Variants in ACCSL observed in about 807,000 individuals in gnomAD.
ACCSL encodes the protein 1-aminocyclopropane-1-carboxylate synthase homolog (inactive) like, also known as probable inactive 1-aminocyclopropane-1-carboxylate synthase-like protein 2.
ACCSL carries 55 observed loss-of-function variants against 61.7 expected under a neutral mutation model. The ratio of observed to expected loss-of-function variants is 0.89; its 90% CI spans 0.72 to 1.12. The LOEUF (loss-of-function observed/expected upper bound fraction) is 1.12. Among genes scored for constraint, ACCSL ranks in the 50% most tolerant of loss-of-function variants. ACCSL has a pLI of 0.00. For missense variants in ACCSL, 632 were observed against 698.0 expected, an observed-to-expected ratio of 0.91 and a Z score of 1.07; for synonymous variants, 258 against 264.3, an observed-to-expected ratio of 0.98 and a Z score of 0.23.
the ACCSL span, among the ~76,000 whole-genome samples, chr11:44,014,979 G>A: frequency 3.1e-4 from 47 of 152,274 alleles, no homozygotes; most frequent in African/African-American, 9.6e-4. Context: ...CCCTCCTCCC[G>A]GGGATGTGAT....
chr11:44,053,729 G>A (rs1017607121), intron 8 of ACCSL, among the ~76,000 whole-genome samples: 1 of 152,134 alleles, frequency 6.6e-6, no homozygotes, highest in African/African-American at 2.4e-5. Flanking sequence ...AGGCATCATG[G>A]TGGGCACCTA....
At chr11:43,942,509 C>T in the ACCSL span, 1 of 228,802 alleles carries the variant, frequency 4.4e-6, no homozygotes, top group Non-Finnish European at 8.9e-6. Flanking sequence ...TTTCCCAGAG[C>T]GGCGGGGCGA....
At chr11:44,027,992 C>A in the ACCSL span, among the ~76,000 whole-genome samples, 1 of 152,132 alleles carries the variant, frequency 6.6e-6, no homozygotes. Flanking sequence ...GAGTGAAACT[C>A]TATCTCTACA....
the ACCSL span, among the ~76,000 whole-genome samples, chr11:44,036,057 GTC>G: frequency 6.6e-6 from 1 of 152,082 alleles, no homozygotes; most frequent in Non-Finnish European, 1.5e-5. Flanking sequence ...TTGAAAAACA[GTC>G]CCTGCAATGT....
the ACCSL span, among the ~76,000 whole-genome samples, chr11:43,978,082 T>G: frequency 4.1e-5 from 6 of 146,820 alleles, no homozygotes; most frequent in Admixed American, 2.1e-4. Flanking sequence ...CGATCTTGGC[T>G]CACTGCAACC....
the ACCSL span, chr11:43,945,140 C>G: frequency 6.6e-6 from 1 of 152,284 alleles, no homozygotes; most frequent in Non-Finnish European, 1.5e-5. Flanking sequence ...GTATTTGGCC[C>G]GTGTCCCAGT....
chr11:43,985,986 C>CT, the ACCSL span, among the ~76,000 whole-genome samples: 1 of 151,336 alleles, frequency 6.6e-6, no homozygotes, highest in African/African-American at 2.4e-5. Flanking sequence ...AATAAACAAA[C>CT]AAACAAATAA....
At chr11:43,943,501 A>G in the ACCSL span, 2 of 1,370,582 alleles carry the variant, frequency 1.5e-6, no homozygotes, top group South Asian at 1.2e-5. The surrounding 1 kb of genome is among the most constrained non-coding windows in gnomAD (Gnocchi z 4.8). Flanking sequence ...TCGTCCTTGT[A>G]AATGTTTATT....
the ACCSL span, among the ~76,000 whole-genome samples, chr11:43,954,357 CAG>C: frequency 6.6e-6 from 1 of 152,202 alleles, no homozygotes; most frequent in African/African-American, 2.4e-5. Flanking sequence ...CTTTCTCCTG[CAG>C]AGAGAGGGGT....
chr11:43,993,500 G>A, the ACCSL span, among the ~76,000 whole-genome samples: 2,737 of 152,244 alleles, frequency 0.018, 80 homozygotes, highest in African/African-American at 0.063. Flanking sequence ...CAAGGCCCCG[G>A]CACCATCTAG....
the ACCSL span, among the ~76,000 whole-genome samples, chr11:43,990,043 C>T: frequency 5.9e-5 from 9 of 152,220 alleles, no homozygotes; most frequent in Admixed American, 5.9e-4. Flanking sequence ...TCCCTTACTC[C>T]TCCCTTCCCA....
upstream of ACCSL, among the ~76,000 whole-genome samples, chr11:44,047,136 G>T (rs923482908): frequency 1.3e-5 from 2 of 152,292 alleles, no homozygotes; most frequent in South Asian, 2.1e-4. Context: ...CAGGGGTGAG[G>T]TCTCACCATC....
At chr11:44,007,221 T>C in the ACCSL span, among the ~76,000 whole-genome samples, 3 of 152,212 alleles carry the variant, frequency 2.0e-5, no homozygotes, top group Non-Finnish European at 2.9e-5. Context: ...GCCCCGGGAA[T>C]GTCACAGGCT....
the ACCSL span, among the ~76,000 whole-genome samples, chr11:43,937,670 C>T: frequency 6.6e-6 from 1 of 152,140 alleles, no homozygotes. Context: ...CCACCCCGCC[C>T]CCTCCAAAAC....
chr11:44,059,824 T>C lies in ACCSL; in HGVS notation c.1625-14T>C. The C allele has an allele frequency of 1.2e-6, 2 of 1,611,572 alleles. No homozygotes were observed. The highest frequency in any genetic ancestry group is 2.2e-5 in the East Asian group (1 of 44,746). On this transcript the variant is annotated splice_polypyrimidine_tract_variant and intron_variant, in intron 13 of 13. Transcript: ENST00000378832. ...AAATCACTATTTCTCTCTGTCCCCA[T>C]TTGAACCCTCTAGCTATGCGTCGGT...
At chr11:44,054,070 A>G (rs975258608) in intron 8 of ACCSL, among the ~76,000 whole-genome samples, 3 of 152,228 alleles carry the variant, frequency 2.0e-5, no homozygotes, top group African/African-American at 7.2e-5. Context: ...TCACTTAAAA[A>G]TATATAATTT....
At chr11:44,043,538 A>G (rs1252303288), upstream of ACCSL, among the ~76,000 whole-genome samples, 3 of 152,188 alleles carry the variant, frequency 2.0e-5, no homozygotes, top group East Asian at 5.8e-4. Flanking sequence ...TAGTTTCACT[A>G]TATAGTGTAG....
At chr11:44,026,958 C>T in the ACCSL span, among the ~76,000 whole-genome samples, 1 of 152,186 alleles carries the variant, frequency 6.6e-6, no homozygotes, top group Non-Finnish European at 1.5e-5. Context: ...GAATTCCCAA[C>T]CTCAAGTGAT....
Position 44,048,193 on chromosome 11 carries a change from C to G in ACCSL, c.157C>G (p.Leu53Val), listed in dbSNP as rs772730631. ...CGTGCAGCTGACGAGCAGACAGGGC[C>G]TGTCGCTGGAGGAAAGGAGGCACAC... is the stretch of plus-strand genomic sequence containing the variant. The part of the protein sequence containing the change: ...HFVQLTSRQG[L>V]SLEERRHTEA... Residue 53 changes from leucine (L) to valine (V), a missense_variant, in exon 1 of 14, where the codon CTG becomes GTG. Transcript: ENST00000378832. 1.9e-6 allele frequency: 3 copies of G among 1,614,204 alleles called. No homozygotes were observed. In the East Asian group the frequency reaches 6.7e-5, roughly 36 times the overall value.
Sources: gnomAD v4.1 joint callset for allele counts (sites outside exome capture counted in the v4.1 genomes callset) on GRCh38, gnomAD v4.1.1 for gene constraint, Gnocchi (gnomAD v3.1) non-coding constraint, MANE v1.5 for transcripts, NCBI Gene and HGNC (gene_info 2026-07-23, HGNC 2026-07-21) for gene names.